Variants in LAMA3 observed in about 807,000 individuals in gnomAD.
LAMA3 encodes the protein laminin subunit alpha 3, also known as laminin subunit alpha-3.
In LAMA3, 281 loss-of-function variants were observed where a neutral mutation model predicts 402.0. The ratio of observed to expected loss-of-function variants is 0.70; its 90% CI spans 0.63 to 0.77. The LOEUF is 0.77. Ranked by LOEUF, LAMA3 falls within the 30% of genes least tolerant of loss-of-function variation. The pLI is 0.00. For synonymous variants in LAMA3, 1,431 were observed against 1,558.4 expected (o/e 0.92, Z 1.93); for missense variants, 3,840 against 4,215.5 (o/e 0.91, Z 2.47).
intron 65 of LAMA3, 75 bp from the exon 66 acceptor site, chr18:23,932,085 C>T (rs2082177085): frequency 1.3e-6 from 2 of 1,538,514 alleles, no homozygotes; most frequent in Non-Finnish European, 1.8e-6. Flanking sequence ...GAGTCTTAGA[C>T]AGTGAGTTGG....
chr18:23,930,953 A>G (rs2082144900), intron 64 of LAMA3, 109 bp from the exon 65 acceptor site: 1 of 1,141,586 alleles, frequency 8.8e-7, no homozygotes, highest in Admixed American at 1.8e-5. Context: ...CATTTGGGTC[A>G]AAACATCCTG....
chr18:23,814,552 T>A, intron 15 of LAMA3, 50 bp downstream of exon 15: 1 of 1,212,134 alleles, frequency 8.2e-7, no homozygotes, highest in South Asian at 1.2e-5. Context: ...TTCTCTTAAT[T>A]TTCTCTGCCT....
At chr18:23,886,250 G>C (rs1028437911) in intron 41 of LAMA3, among the ~76,000 whole-genome samples, 1 of 152,134 alleles carries the variant, frequency 6.6e-6, no homozygotes. Flanking sequence ...TTGCAAAATT[G>C]CCCTCCAGAA....
Position 23,904,684 on chromosome 18 carries a change from C to T in LAMA3, c.6605C>T (p.Ser2202Phe), listed in dbSNP as rs746884081. 12 of 1,614,000 alleles carry T rather than the reference C, an allele frequency of 7.4e-6. No individual in the cohort carries two copies. Among genetic ancestry groups the T allele is most frequent in the Non-Finnish European group, 1.0e-5 (12 of 1,180,028 alleles). The change falls in exon 51 of 75, where the codon TCT becomes TTT. Residue 2202 changes from serine (S) to phenylalanine (F), a missense_variant. By Grantham distance (155) the Ser-to-Phe change is radical. Around this residue, in one of 3 missense-constraint regions of LAMA3, gnomAD observed 891 missense variants for 857.5 expected, o/e 1.04. Transcript: ENST00000313654. ...AACAGGGCTGCCAGTGCATCTGAAT[C>T]TGCCCTCCAGGTGGGCACCTGTACC... The part of the protein sequence containing the change: ...AANRAASASE[S>F]ALQTVIKEDL...
Position 23,873,020 on chromosome 18 carries a change from A to G in LAMA3, c.4998+1359A>G, listed in dbSNP as rs376417551. On this transcript the variant is annotated intron_variant, in intron 38 of 74. Transcript: ENST00000313654. ...GAGGAAGAGGCAGAGGTTCCTGCGC[A>G]GCCAGCGGACGTCCAGGAACCGGGA... is the stretch of plus-strand genomic sequence containing the variant. The G allele has an allele frequency of 1.7e-5, 28 of 1,614,002 alleles. No homozygotes were observed. The African/African-American group carries it at 2.8e-4, about 16-fold the overall frequency.
At chr18:23,784,806 T>G (rs1390214013) in intron 12 of LAMA3, among the ~76,000 whole-genome samples, 1 of 152,202 alleles carries the variant, frequency 6.6e-6, no homozygotes, top group Non-Finnish European at 1.5e-5. Context: ...CCCTGCCTCC[T>G]TTCTACTGTC....
In LAMA3 at chr18:23,846,467, C is replaced by T. The variant is rs760957459; in HGVS notation, c.3890C>T (p.Thr1297Ile). 159 of 1,612,744 alleles carry T rather than the reference C, an allele frequency of 9.9e-5. No individual in the cohort carries two copies. Among genetic ancestry groups the T allele is most frequent in the Non-Finnish European group, 1.3e-4 (148 of 1,180,028 alleles). The change falls in exon 31 of 75, where the codon ACC becomes ATC. Residue 1297 changes from threonine (T) to isoleucine (I), a missense_variant. Around this residue, in one of 3 missense-constraint regions of LAMA3, gnomAD observed 2,109 missense variants for 2,376.0 expected, o/e 0.89. Coordinates refer to ENST00000313654, the MANE Select transcript of LAMA3 (RefSeq NM_198129.4). ...CQPNVIGRQC[T>I]RCATGHYGFP... is the part of the protein sequence containing the mutation. ...CCCAACGTCATCGGGCGGCAGTGCA[C>T]CCGCTGTGCAACAGGCCACTACGGA... is the stretch of plus-strand genomic sequence containing the variant.
Position 23,951,689 on chromosome 18 carries a change from G to A in LAMA3, c.9648G>A (p.Thr3216=), listed in dbSNP as rs758630001. 1.5e-5 allele frequency: 24 copies of A among 1,613,466 alleles called. No individual in the cohort carries two copies. The East Asian group carries it at 1.6e-4, about 10-fold the overall frequency. The change falls in exon 73 of 75, where the codon ACG becomes ACA. Residue 3216 remains threonine, a synonymous_variant. Coordinates refer to ENST00000313654, the MANE Select transcript of LAMA3 (RefSeq NM_198129.4). ...AAAATGCATGTGTGTTCCAGGTCACGGCCTCTATGGACAGTGGGGCAGGTG... is the reference window on the plus strand; with the variant it reads ...AAAATGCATGTGTGTTCCAGGTCACAGCCTCTATGGACAGTGGGGCAGGTG... ...LCVYLEAGKV[T]ASMDSGAGGT...
chr18:23,866,183 G>A (rs1241428204), intron 36 of LAMA3, among the ~76,000 whole-genome samples: 1 of 152,196 alleles, frequency 6.6e-6, no homozygotes, highest in Non-Finnish European at 1.5e-5. Flanking sequence ...TTCCTTGAGG[G>A]CAAGGGTAGT....
chr18:23,909,044 C>T, intron 54 of LAMA3, 109 bp from the exon 55 acceptor site: 1 of 1,040,100 alleles, frequency 9.6e-7, no homozygotes, highest in Non-Finnish European at 1.5e-6. Context: ...TCCTGTTCAA[C>T]ATCTGGGGAC....
At chr18:23,945,807 C>T (rs2082689140) in intron 69 of LAMA3, among the ~76,000 whole-genome samples, 1 of 152,198 alleles carries the variant, frequency 6.6e-6, no homozygotes. Flanking sequence ...TGTCCCTGCC[C>T]CTTTGTTACA....
At chr18:23,696,588 C>T (rs2060690179) in intron 1 of LAMA3, among the ~76,000 whole-genome samples, 2 of 152,070 alleles carry the variant, frequency 1.3e-5, no homozygotes, top group South Asian at 2.1e-4. Flanking sequence ...GCAACCTCTG[C>T]CTCCCAAGTT....
Position 23,939,249 on chromosome 18 carries a change from C to T in LAMA3, c.8889C>T (p.Ser2963=). The change falls in exon 68 of 75, where the codon TCC becomes TCT. Residue 2963 remains serine, a synonymous_variant. Transcript: ENST00000313654. ...TGTTGCAGGACACACCAGTGGCCTC[C>T]CCAAGGAGCGTGAAGGTGTGGCAAG... ...NQLLQDTPVA[S]PRSVKVWQDA... The T allele has an allele frequency of 6.2e-7, 1 of 1,614,184 alleles. No homozygotes were observed. The highest frequency in any genetic ancestry group is 8.5e-7 in the Non-Finnish European group (1 of 1,180,034).
chr18:23,871,217 C>G (rs147597580), intron 37 of LAMA3, among the ~76,000 whole-genome samples: 5 of 152,272 alleles, frequency 3.3e-5, no homozygotes, highest in African/African-American at 1.2e-4. Flanking sequence ...TATTCCCTGC[C>G]TTCATTTTTT....
chr18:23,817,894 CTGTAAT>C (rs1054565750), intron 18 of LAMA3, among the ~76,000 whole-genome samples: 11 of 152,160 alleles, frequency 7.2e-5, no homozygotes, highest in Admixed American at 2.0e-4. Flanking sequence ...TGGCTCGCGC[CTGTAAT>C]CCCAGTACTT....
rs778275301 is a variant in LAMA3, at chr18:23,819,961, T to C, written c.2268T>C (p.Phe756=). 5.7e-5 allele frequency: 92 copies of C among 1,614,024 alleles called. No homozygotes were observed. Among genetic ancestry groups the C allele is most frequent in the Non-Finnish European group, 7.5e-5 (89 of 1,180,016 alleles). ...TTGATCCGCTGGCATTTCCTGAGTT[T>C]AGCTGGAGAGGATATGCCCAAATGA... ...FGFDPLAFPE[F]SWRGYAQMTS... is the part of the protein sequence containing the mutation. The change falls in exon 19 of 75, where the codon TTT becomes TTC. Residue 756 remains phenylalanine (F), a synonymous_variant. Transcript: ENST00000313654.
Position 23,750,909 on chromosome 18 carries a change from T to C in LAMA3, c.685-9T>C. 1 of 1,614,094 alleles carries C rather than the reference T, an allele frequency of 6.2e-7. No homozygotes were observed. Among genetic ancestry groups the C allele is most frequent in the Non-Finnish European group, 8.5e-7 (1 of 1,179,966 alleles). On this transcript the variant is annotated splice_polypyrimidine_tract_variant and intron_variant, in intron 4 of 74. Coordinates refer to ENST00000313654, the MANE Select transcript of LAMA3 (RefSeq NM_198129.4). ...TTTTTCCCCCTTTATGTGTGTGTGG[T>C]CATTTTAGGTTGTGGTGTCCTTGAT... is the stretch of plus-strand genomic sequence containing the variant.
intron 12 of LAMA3, among the ~76,000 whole-genome samples, chr18:23,808,436 C>T (rs1482869845): frequency 6.6e-6 from 1 of 152,008 alleles, no homozygotes; most frequent in African/African-American, 2.4e-5. Context: ...GGATCCAGAA[C>T]CCACAGATAT....
At chr18:23,926,473 A>G (rs910972209) in intron 62 of LAMA3, among the ~76,000 whole-genome samples, 1 of 152,230 alleles carries the variant, frequency 6.6e-6, no homozygotes, top group African/African-American at 2.4e-5. Context: ...GGCCATCTTT[A>G]TAAAATAATT....
Sources: gnomAD v4.1 joint callset for allele counts (sites outside exome capture counted in the v4.1 genomes callset) on GRCh38, gnomAD v4.1.1 for gene constraint, gnomAD v4.1.1 regional missense constraint, MANE v1.5 for transcripts, NCBI Gene and HGNC (gene_info 2026-07-23, HGNC 2026-07-21) for gene names.